Variants in ANO1 observed in about 807,000 individuals in gnomAD.
The protein encoded by ANO1 is anoctamin 1, also known as anoctamin-1.
Under a neutral mutation model 124.0 loss-of-function variants are expected in ANO1, and 59 were observed. The ratio of observed to expected loss-of-function variants is 0.48; its 90% confidence interval spans 0.39 to 0.59. The LOEUF (loss-of-function observed/expected upper bound fraction) is 0.59, where lower values mean the gene tolerates loss of function less well. ANO1 is among the 20% of genes least tolerant of loss of function. The pLI is 0.00. For synonymous variants in ANO1, 529 were observed against 532.0 expected, an observed-to-expected ratio of 0.99 and a Z score of 0.08; for missense variants, 1,059 against 1,328.0, an observed-to-expected ratio of 0.80 and a Z score of 3.15.
At chr11:70,105,284 A>G (rs7924903) in intron 4 of ANO1, among the ~76,000 whole-genome samples, 73,956 of 152,070 alleles carry the variant, frequency 0.49, 19,050 homozygotes, top group East Asian at 0.58. Flanking sequence ...GGCCATCCCT[A>G]TGCAGCCCAT....
intron 1 of ANO1, among the ~76,000 whole-genome samples, chr11:70,029,601 T>C (rs1490969031): frequency 3.9e-5 from 6 of 152,254 alleles, no homozygotes; most frequent in African/African-American, 9.6e-5. Flanking sequence ...CACAGGCCTC[T>C]GAGGGCGCCC....
At chr11:70,166,722 C>T (rs530242180) in intron 20 of ANO1, among the ~76,000 whole-genome samples, 2 of 152,324 alleles carry the variant, frequency 1.3e-5, no homozygotes, top group South Asian at 4.1e-4. Context: ...CTCCCTGCAC[C>T]TCCGTTTCCT....
intron 1 of ANO1, among the ~76,000 whole-genome samples, chr11:70,007,318 C>T (rs1856511585): frequency 1.4e-5 from 2 of 142,922 alleles, no homozygotes; most frequent in African/African-American, 2.6e-5. Flanking sequence ...GCTTAGTCAC[C>T]CAGGCTGGAG....
In ANO1 at chr11:70,152,480, C is replaced by G; in HGVS notation, c.1353+19C>G. On this transcript the variant is annotated intron_variant, in intron 13 of 25. Coordinates refer to ENST00000355303, the MANE Select transcript of ANO1 (RefSeq NM_018043.7). Reference sequence around the variant, plus strand: ...TGTCAAGGTTTGGAACTTTTTGTCGCTCCTCTATCTTCCCACAGCCTATCT... The same window carrying G: ...TGTCAAGGTTTGGAACTTTTTGTCGGTCCTCTATCTTCCCACAGCCTATCT... The G allele has an allele frequency of 1.2e-6, 2 of 1,611,950 alleles. No individual in the cohort carries two copies. Among genetic ancestry groups the G allele is most frequent in the Non-Finnish European group, 1.7e-6 (2 of 1,178,550 alleles).
chr11:70,154,154 G>A (rs1590871856), intron 14 of ANO1, among the ~76,000 whole-genome samples: 2 of 152,154 alleles, frequency 1.3e-5, no homozygotes, highest in East Asian at 1.9e-4. Flanking sequence ...GGCTGGAGAT[G>A]CCCGCACTGA....
At chr11:70,108,254 G>A (rs569242873) in intron 5 of ANO1, 99 bp from the exon 6 acceptor site, 36 of 1,216,208 alleles carry the variant, frequency 3.0e-5, no homozygotes, top group East Asian at 9.5e-5. Context: ...GTCTTCATGC[G>A]TAACGTGTGA....
intron 1 of ANO1, among the ~76,000 whole-genome samples, chr11:70,026,279 A>G (rs1208715044): frequency 6.9e-6 from 1 of 145,524 alleles, no homozygotes; most frequent in Non-Finnish European, 1.5e-5. Flanking sequence ...GGTGGTGATG[A>G]CAGTGATCAT....
chr11:70,167,202 C>A lies in ANO1; in HGVS notation c.2052-40C>A, dbSNP rs372947307. On this transcript the variant is annotated intron_variant, in intron 20 of 25. Transcript: ENST00000355303. ...TGCCAGACCCAAGCCCCCAAATTCA[C>A]CCTCCTGCAAACCTAACTGCATGAT... 10 of 1,605,876 alleles carry A rather than the reference C, an allele frequency of 6.2e-6. No homozygotes were observed. The African/African-American group carries it at 1.2e-4, about 19-fold the overall frequency.
chr11:69,975,861 T>A, the ANO1 span, among the ~76,000 whole-genome samples: 3 of 152,174 alleles, frequency 2.0e-5, no homozygotes, highest in African/African-American at 7.2e-5. Context: ...TTGCATGATT[T>A]TGTTTTGGTT....
chr11:70,107,085 G>A (rs1433306191), intron 5 of ANO1, among the ~76,000 whole-genome samples: 1 of 152,196 alleles, frequency 6.6e-6, no homozygotes, highest in African/African-American at 2.4e-5. Flanking sequence ...ACTGCATGTG[G>A]AAGGGAGGAG....
chr11:70,159,973 G>T (rs988952973), intron 16 of ANO1, among the ~76,000 whole-genome samples: 15 of 152,172 alleles, frequency 9.9e-5, no homozygotes, highest in Non-Finnish European at 1.6e-4. Flanking sequence ...GCCTGCAGAA[G>T]CCGGTGGTAA....
At chr11:70,089,880 G>A (rs2044550854) in intron 2 of ANO1, among the ~76,000 whole-genome samples, 1 of 152,258 alleles carries the variant, frequency 6.6e-6, no homozygotes, top group African/African-American at 2.4e-5. Flanking sequence ...ACTGGAGGAA[G>A]GAATCGGCTC....
intron 3 of ANO1, among the ~76,000 whole-genome samples, 175 bp downstream of exon 3, chr11:70,103,339 T>C (rs528744667): frequency 3.3e-5 from 5 of 151,692 alleles, no homozygotes; most frequent in Admixed American, 2.6e-4. Context: ...GCCCCCAGGC[T>C]CTGGGGTCCT....
At chr11:70,010,179 G>GTTTGTGTGTTTATATATATATATATA in intron 1 of ANO1, among the ~76,000 whole-genome samples, 1 of 83,776 alleles carries the variant, frequency 1.2e-5, no homozygotes. Flanking sequence ...GTGTGTGTGT[G>GTTTGTGTGTTTATATATATATATATA]TATATATATA....
intron 6 of ANO1, among the ~76,000 whole-genome samples, chr11:70,108,809 G>A (rs2045660283): frequency 6.6e-6 from 1 of 152,174 alleles, no homozygotes; most frequent in Admixed American, 6.5e-5. Flanking sequence ...ACCCTTAAAA[G>A]CACAGCTGGG....
At chr11:70,115,797 C>T (rs1258767252) in intron 7 of ANO1, among the ~76,000 whole-genome samples, 6 of 152,234 alleles carry the variant, frequency 3.9e-5, no homozygotes, top group Middle Eastern at 3.4e-3. Flanking sequence ...GTGAGGGTAA[C>T]GTGCACATAG....
chr11:70,097,315 C>T (rs534330474), intron 2 of ANO1, among the ~76,000 whole-genome samples: 16 of 152,240 alleles, frequency 1.1e-4, no homozygotes, highest in African/African-American at 3.9e-4. Flanking sequence ...CTGGAGACTG[C>T]GTCAGGATAA....
At chr11:69,978,923 G>T in the ANO1 span, among the ~76,000 whole-genome samples, 1 of 152,150 alleles carries the variant, frequency 6.6e-6, no homozygotes, top group African/African-American at 2.4e-5. Flanking sequence ...AAGAGTCTTG[G>T]CATTGGTGCT....
At chr11:70,041,448 T>C (rs1857181834) in intron 1 of ANO1, among the ~76,000 whole-genome samples, 1 of 152,194 alleles carries the variant, frequency 6.6e-6, no homozygotes, top group Non-Finnish European at 1.5e-5. Context: ...GCACAACTAT[T>C]TAGGCTGGGG....
Sources: gnomAD v4.1 joint callset for allele counts (sites outside exome capture counted in the v4.1 genomes callset) on GRCh38, gnomAD v4.1.1 for gene constraint, MANE v1.5 for transcripts, NCBI Gene and HGNC (gene_info 2026-07-23, HGNC 2026-07-21) for gene names.